DNAH17: variants seen among roughly 807,000 people sequenced by gnomAD.
DNAH17 encodes the protein dynein axonemal heavy chain 17.
DNAH17 carries 376 observed loss-of-function variants against 485.6 expected under a neutral mutation model. The observed-to-expected ratio is 0.77, with a 90% CI of 0.71 to 0.84. DNAH17 has a LOEUF of 0.84. DNAH17 is among the 40% of genes least tolerant of loss of function. DNAH17 has a pLI of 0.00. For missense variants in DNAH17, 6,370 were observed against 5,839.3 expected (o/e 1.09, Z -2.96); for synonymous variants, 3,031 against 2,405.9 (o/e 1.26, Z -7.60).
intron 27 of DNAH17, among the ~76,000 whole-genome samples, chr17:78,508,558 AC>A (rs544733482): frequency 1.3e-5 from 2 of 152,180 alleles, no homozygotes; most frequent in East Asian, 3.9e-4. Context: ...GAATTCTCAG[AC>A]CCAGCTGGAA....
intron 14 of DNAH17, among the ~76,000 whole-genome samples, chr17:78,553,831 A>G (rs1389996620): frequency 6.6e-6 from 1 of 152,236 alleles, no homozygotes; most frequent in African/African-American, 2.4e-5. Flanking sequence ...CTTTTAATAC[A>G]TAAATCCTCA....
chr17:78,429,751 T>C (rs2086609280), intron 75 of DNAH17, among the ~76,000 whole-genome samples: 1 of 152,218 alleles, frequency 6.6e-6, no homozygotes, highest in Admixed American at 6.5e-5. Context: ...TTTGATTCTG[T>C]GTGGCTCAAG....
At chr17:78,432,208 T>TAAATAAATAAAATA in intron 75 of DNAH17, among the ~76,000 whole-genome samples, 1 of 146,922 alleles carries the variant, frequency 6.8e-6, no homozygotes, top group Non-Finnish European at 1.5e-5. Context: ...ATAAATAAAA[T>TAAATAAATAAAATA]AAATAAAAAT....
chr17:78,480,074 C>G lies in DNAH17; in HGVS notation c.7753-442G>C, dbSNP rs2089286031. On this transcript the variant is annotated intron_variant, in intron 49 of 80. Transcript: ENST00000389840. ...TAAAAAAAGTATGTCCCAGGCCGGG[C>G]ACGGTGACTCCCACCTGTAATCCCA... Among the ~76,000 whole-genome samples the G allele has an allele frequency of 1.6e-5, 2 of 123,164 alleles. 1 individual carries two copies. Among genetic ancestry groups the G allele is most frequent in the Non-Finnish European group, 3.2e-5 (2 of 62,348 alleles). 80.8% of individuals were successfully genotyped at this position (123,164 alleles called of 152,430 possible).
At chr17:78,562,002 G>C (rs757025499) in intron 11 of DNAH17, 22 bp from the exon 12 acceptor site, 5 of 1,551,722 alleles carry the variant, frequency 3.2e-6, no homozygotes, top group South Asian at 1.2e-5. Context: ...GGAGAAGGGG[G>C]CCTCTTCACC....
At chr17:78,550,646 T>A (rs1214075260) in intron 16 of DNAH17, among the ~76,000 whole-genome samples, 2 of 152,156 alleles carry the variant, frequency 1.3e-5, no homozygotes, top group East Asian at 3.8e-4. Flanking sequence ...GCCGACACCT[T>A]AACCTTGGCC....
At chr17:78,552,440 G>A (rs2091922368) in intron 15 of DNAH17, among the ~76,000 whole-genome samples, 1 of 152,116 alleles carries the variant, frequency 6.6e-6, no homozygotes, top group African/African-American at 2.4e-5. Context: ...GCCCAGTTTG[G>A]GAAACTTGGA....
Position 78,458,567 on chromosome 17 carries a change from G to A in DNAH17, c.9975C>T (p.Asn3325=), listed in dbSNP as rs1458951706. The A allele has an allele frequency of 1.2e-6, 2 of 1,613,436 alleles. No individual in the cohort carries two copies. The highest frequency in any genetic ancestry group is 8.5e-7 in the Non-Finnish European group (1 of 1,179,412). The part of the protein sequence containing the change: ...DATNRVILLA[N]RLVGGLASEN... Reference sequence around the variant, plus strand: ...TGGTCTCGGGGAGGAGCTGATACCTGTTCGCCAGTAAGATCACCCTGTTCG... The same window carrying A: ...TGGTCTCGGGGAGGAGCTGATACCTATTCGCCAGTAAGATCACCCTGTTCG... Residue 3325 remains asparagine (N), a splice_region_variant and synonymous_variant, in exon 62 of 81, where the codon AAC becomes AAT. Coordinates refer to ENST00000389840, the MANE Select transcript of DNAH17 (RefSeq NM_173628.4).
intron 78 of DNAH17, 81 bp from the exon 79 acceptor site, chr17:78,426,681 T>C (rs760436268): frequency 2.5e-5 from 38 of 1,515,148 alleles, no homozygotes; most frequent in Non-Finnish European, 3.4e-5. Flanking sequence ...TCATGAGTTG[T>C]CAACACAGTG....
chr17:78,534,256 C>T (rs962877127), intron 19 of DNAH17, among the ~76,000 whole-genome samples: 5 of 152,236 alleles, frequency 3.3e-5, no homozygotes, highest in African/African-American at 7.2e-5. Flanking sequence ...GAGGCCCCAT[C>T]GGGACCCAGA....
intron 30 of DNAH17, among the ~76,000 whole-genome samples, chr17:78,506,214 C>G (rs1350082798): frequency 1.4e-5 from 2 of 143,660 alleles, no homozygotes; most frequent in Non-Finnish European, 3.0e-5. Flanking sequence ...GATCTTGGCT[C>G]ACGGCAACCC....
intron 19 of DNAH17, among the ~76,000 whole-genome samples, chr17:78,535,248 C>T (rs576523708): frequency 6.6e-6 from 1 of 152,322 alleles, no homozygotes; most frequent in South Asian, 2.1e-4. Flanking sequence ...ATTCTGAGGA[C>T]ATGTGCTAAC....
intron 34 of DNAH17, 72 bp downstream of exon 34, chr17:78,501,670 C>T: frequency 9.6e-6 from 15 of 1,563,538 alleles, no homozygotes; most frequent in Non-Finnish European, 1.2e-5. Flanking sequence ...GGTCTGAAGT[C>T]CCTGAATGCA....
chr17:78,431,927 T>C (rs600960), intron 75 of DNAH17, among the ~76,000 whole-genome samples: 24,867 of 152,026 alleles, frequency 0.16, 2,160 homozygotes, highest in Middle Eastern at 0.2. Context: ...ATCCTAGCAC[T>C]TTGGGAGGCC....
Position 78,434,933 on chromosome 17 carries a change from C to T in DNAH17, c.12034-713G>A, listed in dbSNP as rs565153144. 1.4e-4 allele frequency among the ~76,000 whole-genome samples: 22 copies of T among 152,288 alleles called. 1 individual carries two copies. The highest frequency in any genetic ancestry group is 5.1e-4 in the African/African-American group (21 of 41,558). ...GCTTCAGGCACAGTGGCCGAGGATCCCGCTGGGGAGGGACAGATAAGTGCC... is the reference window on the plus strand; with the variant it reads ...GCTTCAGGCACAGTGGCCGAGGATCTCGCTGGGGAGGGACAGATAAGTGCC... On this transcript the variant is annotated intron_variant, in intron 74 of 80. Transcript: ENST00000389840.
Position 78,529,592 on chromosome 17 carries a change from C to T in DNAH17, c.3387G>A (p.Leu1129=). 6.2e-7 allele frequency: 1 copy of T among 1,613,976 alleles called. No individual in the cohort carries two copies. Among genetic ancestry groups the T allele is most frequent in the South Asian group, 1.1e-5 (1 of 91,076 alleles). ...CTGCTTGCCTCTCCTTGACTTTCATCAGGTGCCCCATCACCTCCACAAGCC... is the reference window on the plus strand; with the variant it reads ...CTGCTTGCCTCTCCTTGACTTTCATTAGGTGCCCCATCACCTCCACAAGCC... ...YDGLVEVMGH[L]MKVKERQAAT... The change falls in exon 22 of 81, where the codon CTG becomes CTA. Residue 1129 remains leucine (L), a synonymous_variant. Transcript: ENST00000389840.
chr17:78,453,860 TTTTG>T (rs540624704), intron 64 of DNAH17, among the ~76,000 whole-genome samples: 261 of 151,956 alleles, frequency 1.7e-3, no homozygotes, highest in Non-Finnish European at 3.0e-3. Context: ...ACTAGGTTTT[TTTTG>T]TTTGTTTGTT....
At chr17:78,458,934 G>A (rs934950799) in intron 61 of DNAH17, 67 bp downstream of exon 61, 65 of 1,519,090 alleles carry the variant, frequency 4.3e-5, no homozygotes, top group East Asian at 2.5e-4. Flanking sequence ...TTCAACAGAG[G>A]TATTGACTGG....
At chr17:78,563,562 G>C (rs2092204881) in intron 11 of DNAH17, among the ~76,000 whole-genome samples, 1 of 152,116 alleles carries the variant, frequency 6.6e-6, no homozygotes, top group Non-Finnish European at 1.5e-5. Context: ...GGCCGAGGCG[G>C]GAGGCATTTT....
Sources: allele counts gnomAD v4.1 joint callset (sites outside exome capture counted in the v4.1 genomes callset), GRCh38; gene constraint gnomAD v4.1.1; transcripts MANE v1.5; gene names NCBI Gene and HGNC (gene_info 2026-07-23, HGNC 2026-07-21).